KANSL1: variants seen among roughly 807,000 people sequenced by gnomAD.
KANSL1 encodes MLL1/MLL complex subunit KANSL1.
Under a neutral mutation model 103.6 loss-of-function variants are expected in KANSL1, and 22 were observed. The ratio of observed to expected loss-of-function variants is 0.21; its 90% CI spans 0.15 to 0.30. KANSL1 has a LOEUF of 0.30. KANSL1 is among the 10% of genes least tolerant of loss of function. KANSL1 has a pLI of 1.00. For synonymous variants in KANSL1, 600 were observed against 527.6 expected (o/e 1.14, Z -1.88); for missense variants, 1,337 against 1,399.8 (o/e 0.96, Z 0.72).
chr17:46,117,536 G>A (rs1420925424), intron 2 of KANSL1, among the ~76,000 whole-genome samples: 4 of 152,242 alleles, frequency 2.6e-5, no homozygotes, highest in Non-Finnish European at 4.4e-5. Context: ...AGGTGGAGAA[G>A]GGGATATCCT....
Position 46,171,546 on chromosome 17 carries a change from C to G in KANSL1, c.598G>C (p.Asp200His). The G allele has an allele frequency of 1.9e-6, 3 of 1,611,508 alleles. No individual in the cohort carries two copies. The highest frequency in any genetic ancestry group is 2.5e-6 in the Non-Finnish European group (3 of 1,178,816). The change falls in exon 2 of 15, where the codon GAC (aspartate) becomes CAC (histidine). Residue 200 changes from aspartate (D) to histidine (H), a missense_variant. Transcript: ENST00000432791. The part of the protein sequence containing the change: ...GGEMGGSESG[D>H]LKGGMTNCTL... ...CAATTGGTCATACCCCCCTTCAAGT[C>G]CCCAGATTCAGATCCTCCCATTTCA...
At chr17:46,099,825 T>C (rs2042234681) in intron 2 of KANSL1, among the ~76,000 whole-genome samples, 1 of 152,276 alleles carries the variant, frequency 6.6e-6, no homozygotes, top group Non-Finnish European at 1.5e-5. Context: ...TTTTGCTCAT[T>C]GCTTTTATAA....
intron 2 of KANSL1, among the ~76,000 whole-genome samples, chr17:46,130,449 TGTTAACAC>T (rs2043810523): frequency 2.0e-5 from 3 of 152,234 alleles, no homozygotes; most frequent in Admixed American, 2.0e-4. Flanking sequence ...TGAGCCTTCA[TGTTAACAC>T]GTGGGGGTCA....
chr17:46,168,910 A>G (rs2046141425), intron 2 of KANSL1, among the ~76,000 whole-genome samples: 1 of 152,234 alleles, frequency 6.6e-6, no homozygotes, highest in Non-Finnish European at 1.5e-5. Flanking sequence ...AGGTTTTTCC[A>G]AGTCATTAAA....
At chr17:46,163,834 T>C (rs946522959) in intron 2 of KANSL1, among the ~76,000 whole-genome samples, 1 of 152,262 alleles carries the variant, frequency 6.6e-6, no homozygotes. Context: ...GTACCTATAA[T>C]ACTATGTCTT....
intron 1 of KANSL1, among the ~76,000 whole-genome samples, chr17:46,183,832 G>C (rs1037152050): frequency 6.6e-6 from 1 of 152,158 alleles, no homozygotes; most frequent in Non-Finnish European, 1.5e-5. Context: ...AGAATCACCT[G>C]AATCTGGGAG....
At chr17:46,039,620 A>C (rs957373107) in intron 8 of KANSL1, 82 bp downstream of exon 8, 13 of 1,482,454 alleles carry the variant, frequency 8.8e-6, no homozygotes, top group Middle Eastern at 4.2e-4. Flanking sequence ...CCCAACATGC[A>C]TGCAAACTAC....
intron 1 of KANSL1, among the ~76,000 whole-genome samples, chr17:46,213,173 G>A (rs2048216432): frequency 6.6e-6 from 1 of 152,246 alleles, no homozygotes; most frequent in South Asian, 2.1e-4. Context: ...CTTCTGGGCT[G>A]CTGCTACAAA....
intron 7 of KANSL1, chr17:46,049,777 G>A (rs1230710076): frequency 6.6e-6 from 1 of 152,216 alleles, no homozygotes; most frequent in Non-Finnish European, 1.5e-5. Context: ...ACTTTAGAAA[G>A]ACAGTACAAG....
chr17:46,110,386 A>T (rs1472130582), intron 2 of KANSL1, among the ~76,000 whole-genome samples: 1 of 152,210 alleles, frequency 6.6e-6, no homozygotes, highest in Admixed American at 6.5e-5. Flanking sequence ...TAATTCACGA[A>T]ATCCTCATTA....
intron 2 of KANSL1, among the ~76,000 whole-genome samples, chr17:46,155,215 T>C (rs2045354674): frequency 6.7e-6 from 1 of 148,294 alleles, no homozygotes; most frequent in Non-Finnish European, 1.5e-5. Flanking sequence ...CAGGCTGTAG[T>C]GTTGCCATCT....
chr17:46,045,684 G>C (rs914715006), intron 7 of KANSL1: 2 of 152,130 alleles, frequency 1.3e-5, no homozygotes, highest in African/African-American at 4.8e-5. Context: ...GGAGGTGTAA[G>C]GTATGCGGCA....
chr17:46,167,502 T>C (rs547067409), intron 2 of KANSL1, among the ~76,000 whole-genome samples: 27 of 152,360 alleles, frequency 1.8e-4, no homozygotes, highest in East Asian at 7.7e-4. Flanking sequence ...TGAAATATCA[T>C]TGTTTAGTGA....
At chr17:46,147,771 G>A (rs1490806425) in intron 2 of KANSL1, among the ~76,000 whole-genome samples, 1 of 152,186 alleles carries the variant, frequency 6.6e-6, no homozygotes. Context: ...TTCTCCACAT[G>A]AGGCAACTGC....
intron 2 of KANSL1, among the ~76,000 whole-genome samples, chr17:46,112,555 T>C (rs2042865187): frequency 6.6e-6 from 1 of 151,528 alleles, no homozygotes; most frequent in Non-Finnish European, 1.5e-5. Context: ...CATGGTGGTG[T>C]GTGCCTGTAG....
At chr17:46,096,309 TTC>T (rs1325683652) in intron 2 of KANSL1, among the ~76,000 whole-genome samples, 1 of 124,586 alleles carries the variant, frequency 8.0e-6, no homozygotes, top group South Asian at 2.3e-4. Flanking sequence ...TGGCTTTTTT[TTC>T]TTTTTTTTTT....
chr17:46,082,738 C>T (rs1031081005), intron 3 of KANSL1, among the ~76,000 whole-genome samples, 196 bp from the exon 4 acceptor site: 1 of 152,032 alleles, frequency 6.6e-6, no homozygotes, highest in East Asian at 1.9e-4. Flanking sequence ...ACCCAGGCTC[C>T]CCTCTCTGCC....
intron 2 of KANSL1, among the ~76,000 whole-genome samples, chr17:46,106,062 C>T (rs560890120): frequency 2.0e-5 from 3 of 152,232 alleles, no homozygotes; most frequent in Non-Finnish European, 4.4e-5. Flanking sequence ...CTCCGGCTAT[C>T]TCTAGAAGAA....
intron 4 of KANSL1, among the ~76,000 whole-genome samples, chr17:46,073,224 C>G (rs2078640262): frequency 6.6e-6 from 1 of 152,180 alleles, no homozygotes; most frequent in East Asian, 1.9e-4. Context: ...TTTTAGCATG[C>G]CTTTCTTCTG....
Sources: gnomAD v4.1 joint callset for allele counts (sites outside exome capture counted in the v4.1 genomes callset) on GRCh38, gnomAD v4.1.1 for gene constraint, MANE v1.5 for transcripts, NCBI Gene and HGNC (gene_info 2026-07-23, HGNC 2026-07-21) for gene names.